The following ARK2C variants were observed in gnomAD, a reference collection of about 807,000 sequenced individuals.
ARK2C encodes arkadia (RNF111) C-terminal like ring finger ubiquitin ligase 2C, also known as E3 ubiquitin-protein ligase ARK2C.
At chr18:46,391,144 C>T in the ARK2C span, among the ~76,000 whole-genome samples, 1 of 152,194 alleles carries the variant, frequency 6.6e-6, no homozygotes, top group Non-Finnish European at 1.5e-5. Flanking sequence ...CCTCCATAAA[C>T]AGGGTTCGCC....
At chr18:46,352,508 G>T in the ARK2C span, among the ~76,000 whole-genome samples, 2 of 152,158 alleles carry the variant, frequency 1.3e-5, no homozygotes, top group African/African-American at 4.8e-5. Flanking sequence ...GGCTTAAAGG[G>T]ATAGCAACTC....
chr18:46,438,897 G>T, the ARK2C span, among the ~76,000 whole-genome samples: 4 of 152,238 alleles, frequency 2.6e-5, no homozygotes, highest in Non-Finnish European at 5.9e-5. Context: ...ATTACCATGA[G>T]GAGCTACTGT....
the ARK2C span, among the ~76,000 whole-genome samples, chr18:46,444,810 C>T: frequency 6.6e-6 from 1 of 152,180 alleles, no homozygotes; most frequent in Non-Finnish European, 1.5e-5. Flanking sequence ...CTTAAAGTCA[C>T]TAATCTTTTC....
chr18:46,336,714 G>A, the ARK2C span: 1 of 985,392 alleles, frequency 1.0e-6, no homozygotes, highest in Non-Finnish European at 1.2e-6. Flanking sequence ...GTTTAGCCGA[G>A]TACATTGCAC....
At chr18:46,407,938 G>C in the ARK2C span, among the ~76,000 whole-genome samples, 2 of 152,232 alleles carry the variant, frequency 1.3e-5, no homozygotes, top group Non-Finnish European at 2.9e-5. Context: ...CAGTGGCAAA[G>C]ATCCAGAGAG....
At chr18:46,456,135 A>G in the ARK2C span, 1 of 1,053,304 alleles carries the variant, frequency 9.5e-7, no homozygotes, top group South Asian at 1.4e-5. Flanking sequence ...ATTGGTGACC[A>G]ATCACTGCAC....
chr18:46,429,808 T>C, the ARK2C span, among the ~76,000 whole-genome samples: 1 of 152,216 alleles, frequency 6.6e-6, no homozygotes, highest in East Asian at 1.9e-4. Flanking sequence ...GGTCTTGCTA[T>C]GTTGTCCAGG....
chr18:46,456,698 T>C, the ARK2C span: 1 of 1,209,110 alleles, frequency 8.3e-7, no homozygotes. Context: ...GCCATAGCCC[T>C]TGCAGCCAAA....
At chr18:46,414,341 C>T in the ARK2C span, among the ~76,000 whole-genome samples, 3 of 152,232 alleles carry the variant, frequency 2.0e-5, no homozygotes, top group Non-Finnish European at 4.4e-5. Flanking sequence ...GCCTTCCAAA[C>T]CAGGGCTCTG....
chr18:46,421,265 C>T, the ARK2C span, among the ~76,000 whole-genome samples: 41 of 152,324 alleles, frequency 2.7e-4, no homozygotes, highest in Non-Finnish European at 5.4e-4. Flanking sequence ...CCTCTGACAC[C>T]ATCAAATTCC....
chr18:46,365,452 C>CTG, the ARK2C span, among the ~76,000 whole-genome samples: 2 of 152,146 alleles, frequency 1.3e-5, no homozygotes, highest in Non-Finnish European at 2.9e-5. Flanking sequence ...TGCAGGGCAC[C>CTG]AAGTCTGAGG....
the ARK2C span, among the ~76,000 whole-genome samples, chr18:46,350,542 G>A: frequency 1.3e-5 from 2 of 152,186 alleles, no homozygotes; most frequent in Non-Finnish European, 2.9e-5. Flanking sequence ...CCAACCCCAA[G>A]AACCCCTGCA....
the ARK2C span, among the ~76,000 whole-genome samples, chr18:46,385,208 G>A: frequency 6.6e-6 from 1 of 152,206 alleles, no homozygotes; most frequent in Non-Finnish European, 1.5e-5. Context: ...ATGGGCCAGG[G>A]GAATCTTGTC....
chr18:46,454,263 A>G, the ARK2C span, among the ~76,000 whole-genome samples: 1 of 152,134 alleles, frequency 6.6e-6, no homozygotes, highest in African/African-American at 2.4e-5. Context: ...AAATAGTAGA[A>G]AGTAGGCAAA....
At chr18:46,379,361 G>A in the ARK2C span, among the ~76,000 whole-genome samples, 1 of 152,148 alleles carries the variant, frequency 6.6e-6, no homozygotes, top group Non-Finnish European at 1.5e-5. Flanking sequence ...AATCTCACGA[G>A]ACTAAGCGCT....
chr18:46,430,480 C>G, the ARK2C span, among the ~76,000 whole-genome samples: 6 of 152,138 alleles, frequency 3.9e-5, no homozygotes, highest in Non-Finnish European at 7.4e-5. Context: ...CACTCAGAGG[C>G]CTTTTCTATC....
chr18:46,349,047 C>T, the ARK2C span, among the ~76,000 whole-genome samples: 3 of 152,178 alleles, frequency 2.0e-5, no homozygotes, highest in East Asian at 5.8e-4. Flanking sequence ...CCAGAAGCAA[C>T]TCCCTTATAC....
At chr18:46,358,332 A>T in the ARK2C span, among the ~76,000 whole-genome samples, 1 of 152,252 alleles carries the variant, frequency 6.6e-6, no homozygotes, top group African/African-American at 2.4e-5. Context: ...AGCAGGGCCT[A>T]GTGTGAGGAA....
the ARK2C span, among the ~76,000 whole-genome samples, chr18:46,348,919 T>C: frequency 3.6e-4 from 55 of 151,496 alleles, no homozygotes; most frequent in Non-Finnish European, 4.3e-4. Flanking sequence ...TGTGTGTGTG[T>C]GTGTGTGTGT....
Sources: allele counts gnomAD v4.1 joint callset (sites outside exome capture counted in the v4.1 genomes callset), GRCh38; gene constraint gnomAD v4.1.1; transcripts MANE v1.5; gene names NCBI Gene and HGNC (gene_info 2026-07-23, HGNC 2026-07-21).